The following CEP63 variants were observed in gnomAD, a reference collection of about 807,000 sequenced individuals.
CEP63 encodes centrosomal protein of 63 kDa.
In CEP63, 84 loss-of-function variants were observed where a neutral mutation model predicts 89.1. The ratio of observed to expected loss-of-function variants is 0.94; its 90% CI spans 0.79 to 1.13. The LOEUF (loss-of-function observed/expected upper bound fraction) is 1.13, where lower values mean the gene tolerates loss of function less well. Ranked by LOEUF, CEP63 falls within the 50% of genes most tolerant of loss-of-function variation. The pLI, the probability that CEP63 is intolerant of heterozygous loss-of-function variation, is 0.00. For synonymous variants in CEP63, 267 were observed against 272.5 expected (o/e 0.98, Z 0.20); for missense variants, 838 against 813.3 (o/e 1.03, Z -0.37).
the CEP63 span, chr3:134,650,760 A>C: frequency 7.1e-7 from 1 of 1,413,246 alleles, no homozygotes; most frequent in Non-Finnish European, 9.4e-7. Context: ...CCCGGCGGGC[A>C]GGCCCTTGTG....
chr3:134,578,597 T>G (rs1453523716), downstream of CEP63, among the ~76,000 whole-genome samples: 1 of 152,084 alleles, frequency 6.6e-6, no homozygotes, highest in Non-Finnish European at 1.5e-5. Context: ...CCCAAAGTAC[T>G]GGGGTTACAG....
downstream of CEP63, among the ~76,000 whole-genome samples, chr3:134,576,594 C>T (rs1010617071): frequency 1.3e-5 from 2 of 152,224 alleles, no homozygotes; most frequent in East Asian, 3.9e-4. Context: ...CAGCTGTATG[C>T]CCTTGGGCAG....
intron 6 of CEP63, among the ~76,000 whole-genome samples, chr3:134,537,596 A>G (rs555372740): frequency 1.3e-5 from 2 of 150,410 alleles, no homozygotes; most frequent in South Asian, 4.2e-4. Flanking sequence ...ATCCATGTTC[A>G]CTCTCCTCAT....
chr3:134,773,908 GGTCT>G, the CEP63 span, among the ~76,000 whole-genome samples: 3 of 152,194 alleles, frequency 2.0e-5, no homozygotes, highest in African/African-American at 7.2e-5. Flanking sequence ...TTATGGGGAG[GGTCT>G]GTCTCTCTCA....
At chr3:134,640,438 T>C in the CEP63 span, among the ~76,000 whole-genome samples, 5 of 152,050 alleles carry the variant, frequency 3.3e-5, no homozygotes, top group African/African-American at 9.7e-5. Flanking sequence ...CAAAAGGTGG[T>C]TGTGGAGATT....
At chr3:134,594,267 G>A in the CEP63 span, among the ~76,000 whole-genome samples, 1 of 152,102 alleles carries the variant, frequency 6.6e-6, no homozygotes, top group Non-Finnish European at 1.5e-5. Flanking sequence ...CAGTCATTCA[G>A]CCCAGCTGTT....
upstream of CEP63, chr3:134,485,890 C>T: frequency 1.2e-5 from 8 of 687,988 alleles, no homozygotes; most frequent in Non-Finnish European, 1.4e-5. Context: ...AAGTCCGACA[C>T]TGAGCAACGA....
chr3:134,693,951 A>G, the CEP63 span, among the ~76,000 whole-genome samples: 1 of 152,182 alleles, frequency 6.6e-6, no homozygotes, highest in African/African-American at 2.4e-5. Flanking sequence ...GGGCTCAGGG[A>G]TCTGAGTGGA....
chr3:134,781,553 C>T, the CEP63 span, among the ~76,000 whole-genome samples: 1 of 151,706 alleles, frequency 6.6e-6, no homozygotes, highest in Non-Finnish European at 1.5e-5. Context: ...CATCAGGGTA[C>T]TACGCTCACT....
At chr3:134,491,437 A>G (rs1021828875) in intron 1 of CEP63, among the ~76,000 whole-genome samples, 7 of 152,184 alleles carry the variant, frequency 4.6e-5, no homozygotes, top group Admixed American at 2.6e-4. Context: ...TAAGCTCCTT[A>G]TATATTTGGG....
At chr3:134,760,718 T>C in the CEP63 span, among the ~76,000 whole-genome samples, 1 of 152,234 alleles carries the variant, frequency 6.6e-6, no homozygotes, top group East Asian at 1.9e-4. Context: ...TAATAGTTGG[T>C]GGCCACACCA....
chr3:134,611,897 G>C, the CEP63 span, among the ~76,000 whole-genome samples: 3 of 152,198 alleles, frequency 2.0e-5, no homozygotes, highest in Non-Finnish European at 4.4e-5. Context: ...AAATGAACAT[G>C]TAATTTAAAA....
At chr3:134,668,616 A>G in the CEP63 span, among the ~76,000 whole-genome samples, 1 of 152,060 alleles carries the variant, frequency 6.6e-6, no homozygotes, top group South Asian at 2.1e-4. Context: ...AGCAAAGCAG[A>G]TTTTCAGTAT....
chr3:134,587,851 G>T (rs1958517564), downstream of CEP63, among the ~76,000 whole-genome samples: 1 of 150,204 alleles, frequency 6.7e-6, no homozygotes, highest in African/African-American at 2.5e-5. Context: ...AAAAAAAAAA[G>T]GAAATGGATG....
intron 12 of CEP63, among the ~76,000 whole-genome samples, chr3:134,556,414 AG>A (rs1299482826): frequency 3.9e-5 from 6 of 151,992 alleles, no homozygotes; most frequent in African/African-American, 1.4e-4. Flanking sequence ...ATAATAGGAG[AG>A]GAGACAATAG....
chr3:134,487,253 A>G (rs967667022), intron 1 of CEP63, among the ~76,000 whole-genome samples: 3 of 152,346 alleles, frequency 2.0e-5, no homozygotes, highest in East Asian at 3.9e-4. Flanking sequence ...CTTATTTGGC[A>G]TGCAGTACCA....
intron 2 of CEP63, among the ~76,000 whole-genome samples, chr3:134,500,035 A>G (rs935795052): frequency 5.9e-5 from 9 of 152,078 alleles, no homozygotes; most frequent in Non-Finnish European, 1.3e-4. Context: ...CATGTTGGCC[A>G]GGCTGGTCTC....
At chr3:134,738,360 G>A in the CEP63 span, among the ~76,000 whole-genome samples, 1 of 151,888 alleles carries the variant, frequency 6.6e-6, no homozygotes, top group South Asian at 2.1e-4. Flanking sequence ...ATCGTGAATT[G>A]TGCTGGTATA....
At chr3:134,639,003 G>C in the CEP63 span, among the ~76,000 whole-genome samples, 1 of 150,948 alleles carries the variant, frequency 6.6e-6, no homozygotes, top group Non-Finnish European at 1.5e-5. Context: ...ATTGGTTTAA[G>C]GTGTTTGTTA....
Sources: allele counts gnomAD v4.1 joint callset (sites outside exome capture counted in the v4.1 genomes callset), GRCh38; gene constraint gnomAD v4.1.1; transcripts MANE v1.5; gene names NCBI Gene and HGNC (gene_info 2026-07-23, HGNC 2026-07-21).